The following FREM2 variants were observed in gnomAD, a reference collection of about 807,000 sequenced individuals.
The protein encoded by FREM2 is FRAS1-related extracellular matrix protein 2.
A neutral mutation model predicts 219.9 loss-of-function variants in FREM2; 119 were observed. The ratio of observed to expected loss-of-function variants is 0.54; its 90% CI spans 0.47 to 0.63. FREM2 has a LOEUF of 0.63. Ranked by LOEUF, FREM2 falls within the 30% of genes least tolerant of loss-of-function variation. The pLI is 0.00. For synonymous variants in FREM2, 1,562 were observed against 1,522.8 expected (o/e 1.03, Z -0.60); for missense variants, 4,030 against 3,993.6 (o/e 1.01, Z -0.25).
chr13:38,709,421 A>G (rs1227908038), intron 2 of FREM2, among the ~76,000 whole-genome samples: 2 of 152,192 alleles, frequency 1.3e-5, no homozygotes, highest in African/African-American at 4.8e-5. Context: ...AAAATATTAT[A>G]TATGTACATA....
At chr13:38,715,123 C>A (rs890780285) in intron 2 of FREM2, among the ~76,000 whole-genome samples, 7 of 151,988 alleles carry the variant, frequency 4.6e-5, no homozygotes, top group African/African-American at 1.7e-4. Context: ...AATAAATATA[C>A]TTAAAAATGA....
chr13:38,742,120 GTCCAAGTTTTAAGTATC>G (rs1465968850), intron 2 of FREM2, among the ~76,000 whole-genome samples: 1 of 152,126 alleles, frequency 6.6e-6, no homozygotes, highest in East Asian at 1.9e-4. Context: ...CTCTTGAACT[GTCCAAGTTTTAAGTATC>G]TCTAACAGGT....
intron 2 of FREM2, among the ~76,000 whole-genome samples, chr13:38,737,657 TTA>T (rs1240512030): frequency 1.3e-5 from 2 of 152,186 alleles, no homozygotes; most frequent in Non-Finnish European, 2.9e-5. Flanking sequence ...CATTAAATAC[TTA>T]TTAGAGTTGA....
At chr13:38,815,242 G>T (rs1434746856) in intron 6 of FREM2, among the ~76,000 whole-genome samples, 1 of 152,076 alleles carries the variant, frequency 6.6e-6, no homozygotes, top group Non-Finnish European at 1.5e-5. Context: ...TGGGTTCCTT[G>T]TATCTGGCTG....
rs766537741 is a variant in FREM2, at chr13:38,864,473, C to T, written c.7850C>T (p.Ser2617Phe). The change falls in exon 16 of 24, where the codon TCC becomes TTC. Residue 2617 changes from serine to phenylalanine, a missense_variant. Around this residue, in one of 2 missense-constraint regions of FREM2, gnomAD observed 928 missense variants for 1,042.9 expected, o/e 0.89. Coordinates refer to ENST00000280481, the MANE Select transcript of FREM2 (RefSeq NM_207361.6). ...GETYPYQYSL[S>F]IRGSTTLRFY... ...ACATATCCTTACCAGTACAGCTTGT[C>T]CATCAGAGGTTCCACTACCTTGCGC... 6.2e-7 allele frequency: 1 copy of T among 1,614,170 alleles called. No individual in the cohort carries two copies. Among genetic ancestry groups the T allele is most frequent in the East Asian group, 2.2e-5 (1 of 44,884 alleles).
At chr13:38,716,612 A>AT (rs1871012033) in intron 2 of FREM2, among the ~76,000 whole-genome samples, 1 of 152,080 alleles carries the variant, frequency 6.6e-6, no homozygotes, top group South Asian at 2.1e-4. Flanking sequence ...GTCTCAAGCA[A>AT]GTCTCCTCCC....
chr13:38,721,546 G>C (rs193222687), intron 2 of FREM2, among the ~76,000 whole-genome samples: 3 of 152,282 alleles, frequency 2.0e-5, no homozygotes, highest in African/African-American at 7.2e-5. Context: ...TCCAGAGCCT[G>C]TATAGACCAG....
Position 38,821,172 on chromosome 13 carries a change from G to A in FREM2, c.6020-25401G>A, listed in dbSNP as rs578040945. ...TACCTTTCAGAGGGAACAGATAGGT[G>A]TTATGTTTTCCTTGAGAAATAGGCC... On this transcript the variant is annotated intron_variant, in intron 6 of 23. Coordinates refer to ENST00000280481, the MANE Select transcript of FREM2 (RefSeq NM_207361.6). Among the ~76,000 whole-genome samples, 197 of 152,218 alleles carry A rather than the reference G, an allele frequency of 1.3e-3. 1 individual carries two copies. Among genetic ancestry groups the A allele is most frequent in the South Asian group, 0.013 (62 of 4,830 alleles).
In FREM2 at chr13:38,850,951, A is replaced by C; in HGVS notation, c.6585A>C (p.Thr2195=). The change falls in exon 10 of 24, where the codon ACA becomes ACC. Residue 2195 remains threonine (T), a synonymous_variant. Transcript: ENST00000280481. ...CTGACATTATTGTTCCAGGTGAGACAGAAAAGCCCTGCATTCTTGAGCTGA... is the reference window on the plus strand; with the variant it reads ...CTGACATTATTGTTCCAGGTGAGACCGAAAAGCCCTGCATTCTTGAGCTGA... ...TSIITFLPGE[T]EKPCILELMD... is the part of the protein sequence containing the mutation. 1 of 1,612,110 alleles carries C rather than the reference A, an allele frequency of 6.2e-7. No individual in the cohort carries two copies. The highest frequency in any genetic ancestry group is 1.1e-5 in the South Asian group (1 of 91,012).
chr13:38,821,327 C>A (rs1876044137), intron 6 of FREM2, among the ~76,000 whole-genome samples: 2 of 151,878 alleles, frequency 1.3e-5, no homozygotes, highest in Admixed American at 1.3e-4. Context: ...TTACACTGAC[C>A]TAGAAAGATA....
At chr13:38,700,608 CA>C (rs148489706) in intron 2 of FREM2, among the ~76,000 whole-genome samples, 7,478 of 151,706 alleles carry the variant, frequency 0.049, 597 homozygotes, top group African/African-American at 0.17. Context: ...ACAAAAACAG[CA>C]AAAAAAACTT....
chr13:38,733,541 T>G (rs887954783), intron 2 of FREM2, among the ~76,000 whole-genome samples: 1 of 152,176 alleles, frequency 6.6e-6, no homozygotes, highest in Non-Finnish European at 1.5e-5. Flanking sequence ...TAACCACTAA[T>G]GGAATGTTTT....
intron 2 of FREM2, among the ~76,000 whole-genome samples, chr13:38,700,428 C>T (rs1209320501): frequency 6.6e-6 from 1 of 152,020 alleles, no homozygotes; most frequent in East Asian, 1.9e-4. Flanking sequence ...GGGTCTTTAC[C>T]TCAGGGGAAG....
chr13:38,779,398 T>TA (rs1386218451), intron 4 of FREM2: 3 of 139,126 alleles, frequency 2.2e-5, no homozygotes, highest in Non-Finnish European at 4.8e-5. Flanking sequence ...ATAAATTTTT[T>TA]AAAAAAAGAA....
chr13:38,756,301 A>G (rs1366821487), intron 2 of FREM2, among the ~76,000 whole-genome samples: 2 of 152,188 alleles, frequency 1.3e-5, no homozygotes, highest in Non-Finnish European at 2.9e-5. Context: ...TTAGGTTTCT[A>G]TGGGCCTCTG....
chr13:38,827,212 C>G (rs531413818), intron 6 of FREM2, among the ~76,000 whole-genome samples: 3 of 152,022 alleles, frequency 2.0e-5, no homozygotes, highest in Non-Finnish European at 4.4e-5. Flanking sequence ...AGTTATTTAA[C>G]CTCTCTGAGT....
intron 6 of FREM2, among the ~76,000 whole-genome samples, chr13:38,845,667 A>G (rs1330529187): frequency 6.6e-6 from 1 of 152,174 alleles, no homozygotes; most frequent in East Asian, 1.9e-4. Flanking sequence ...CCTCTATATA[A>G]CTCAAAATAA....
chr13:38,815,212 A>G (rs1255376113), intron 6 of FREM2, among the ~76,000 whole-genome samples: 1 of 151,954 alleles, frequency 6.6e-6, no homozygotes, highest in African/African-American at 2.4e-5. Context: ...AATTGTTTTT[A>G]TTTCATTGCG....
intron 6 of FREM2, among the ~76,000 whole-genome samples, chr13:38,812,607 A>T (rs1410744374): frequency 6.6e-6 from 1 of 152,130 alleles, no homozygotes; most frequent in Non-Finnish European, 1.5e-5. Flanking sequence ...TTGGCTGGGC[A>T]TGGAGGCTCA....
Sources: gnomAD v4.1 joint callset for allele counts (sites outside exome capture counted in the v4.1 genomes callset) on GRCh38, gnomAD v4.1.1 for gene constraint, gnomAD v4.1.1 regional missense constraint, MANE v1.5 for transcripts, NCBI Gene and HGNC (gene_info 2026-07-23, HGNC 2026-07-21) for gene names.